ZDHHC11: variants seen among roughly 807,000 people sequenced by gnomAD.
The protein encoded by ZDHHC11 is palmitoyltransferase ZDHHC11.
Under a neutral mutation model 51.3 loss-of-function variants are expected in ZDHHC11, and 44 were observed. That is an observed-to-expected ratio of 0.86 (90% CI 0.67 to 1.10). The LOEUF is 1.10. ZDHHC11 is among the 50% of genes least tolerant of loss of function. The pLI is 0.00. For missense variants in ZDHHC11, 400 were observed against 537.7 expected (o/e 0.74, Z 2.53); for synonymous variants, 163 against 222.0 (o/e 0.73, Z 2.36).
chr5:824,555 C>T (rs544946625), intron 8 of ZDHHC11, among the ~76,000 whole-genome samples: 1 of 151,662 alleles, frequency 6.6e-6, no homozygotes, highest in Non-Finnish European at 1.5e-5. Context: ...CCGCGCTGGT[C>T]TTTTCCTGTG....
At chr5:819,888 C>CTCG (rs1228997705) in intron 9 of ZDHHC11, among the ~76,000 whole-genome samples, 1 of 151,286 alleles carries the variant, frequency 6.6e-6, no homozygotes, top group Non-Finnish European at 1.5e-5. Context: ...CCACCCTAGA[C>CTCG]CAGTGCCTTA....
At chr5:856,390 C>A (rs1488439859) in intron 1 of ZDHHC11, among the ~76,000 whole-genome samples, 1 of 151,258 alleles carries the variant, frequency 6.6e-6, no homozygotes, top group African/African-American at 2.4e-5. Context: ...ACAACACATA[C>A]CACAGACACA....
chr5:835,617 G>C (rs1345750840), intron 6 of ZDHHC11, among the ~76,000 whole-genome samples: 2 of 152,026 alleles, frequency 1.3e-5, no homozygotes, highest in Non-Finnish European at 2.9e-5. Flanking sequence ...GGACCACCTT[G>C]TCATTTCTGC....
Position 834,527 on chromosome 5 carries a change from G to T in ZDHHC11, c.901-720C>A, listed in dbSNP as rs577134222. ...CTGTTTGTTTATGTTTTTGTTTGTT[G>T]TTTTTTTACAATTGCACTTTGAAAG... is the stretch of plus-strand genomic sequence containing the variant. On this transcript the variant is annotated intron_variant, in intron 6 of 12. Transcript: ENST00000283441. Among the ~76,000 whole-genome samples, 686 of 140,790 alleles carry T rather than the reference G, an allele frequency of 4.9e-3. 4 individuals are homozygous for T. The highest frequency in any genetic ancestry group is 0.017 in the African/African-American group (660 of 38,552). 92.4% of individuals were successfully genotyped at this position (140,790 alleles called of 152,430 possible).
At chr5:841,298 G>A in intron 4 of ZDHHC11, 1 of 995,600 alleles carries the variant, frequency 1.0e-6, no homozygotes, top group Non-Finnish European at 1.2e-6. Context: ...TCCTTACTAA[G>A]TGCCAGGGTC....
In ZDHHC11 at chr5:799,606, A is replaced by G. The variant is rs1738121813; in HGVS notation, c.*7+1494T>C. The stretch of plus-strand genomic sequence containing the variant: ...TATTTGCAAGTTGATGCTTCGGCCA[A>G]GCGTCCAGCTCCACTTCTCAGGCTC... On this transcript the variant is annotated intron_variant, in intron 12 of 12. Transcript: ENST00000283441. 2.0e-5 allele frequency among the ~76,000 whole-genome samples: 3 copies of G among 151,200 alleles called. No homozygotes were observed. The South Asian group carries it at 6.3e-4, about 32-fold the overall frequency.
chr5:838,769 GGCTTCAGGCC>G (rs1334220930), intron 5 of ZDHHC11, among the ~76,000 whole-genome samples: 13 of 151,940 alleles, frequency 8.6e-5, no homozygotes, highest in Non-Finnish European at 1.6e-4. Flanking sequence ...AGCCCCGCAT[GGCTTCAGGCC>G]CACTGCACTT....
intron 11 of ZDHHC11, among the ~76,000 whole-genome samples, chr5:806,494 C>T (rs1739276064): frequency 6.6e-6 from 1 of 150,584 alleles, no homozygotes; most frequent in African/African-American, 2.5e-5. Context: ...GTTCATTAAT[C>T]AAGACCAAAA....
At chr5:833,515 TTGTG>T (rs1676057690) in intron 7 of ZDHHC11, among the ~76,000 whole-genome samples, 1 of 151,852 alleles carries the variant, frequency 6.6e-6, no homozygotes, top group Admixed American at 6.6e-5. Context: ...GATCTTACTC[TTGTG>T]TGTTAGTTTA....
rs530813564 is a variant in ZDHHC11, at chr5:820,656, G to A, written c.1059-1044C>T. Among the ~76,000 whole-genome samples the A allele has an allele frequency of 3.4e-4, 51 of 151,386 alleles. 2 individuals carry two copies. Among genetic ancestry groups the A allele is most frequent in the African/African-American group, 8.9e-4 (37 of 41,356 alleles). ...CAGGACCTTTGCTGCCTCTCTGTGG[G>A]GGCTGTGATGTGGTCCCCTCCCAAT... On this transcript the variant is annotated intron_variant, in intron 9 of 12. Coordinates refer to ENST00000283441, the MANE Select transcript of ZDHHC11 (RefSeq NM_024786.3).
Position 813,241 on chromosome 5 carries a change from T to C in ZDHHC11, c.1181+1520A>G, listed in dbSNP as rs56281619. 4.6e-4 allele frequency among the ~76,000 whole-genome samples: 64 copies of C among 138,646 alleles called. 4 individuals carry two copies. Among genetic ancestry groups the C allele is most frequent in the East Asian group, 3.4e-3 (14 of 4,132 alleles). The allele number at this position is 138,646 out of a possible 152,430, so 91.0% of individuals were successfully genotyped here. The stretch of plus-strand genomic sequence containing the variant: ...TACTTGGGAGGCTGAGGTGGGTGGA[T>C]TGCAAGAATCCAAGTGGCAAAGGTT... On this transcript the variant is annotated intron_variant, in intron 11 of 12. Transcript: ENST00000283441.
intron 5 of ZDHHC11, chr5:839,529 A>G (rs1245369343): frequency 2.7e-5 from 4 of 149,906 alleles, no homozygotes; most frequent in African/African-American, 9.9e-5. Context: ...GACAACAGTG[A>G]CTGTAAGATA....
In ZDHHC11 at chr5:800,645, T is replaced by C. The variant is rs538786691; in HGVS notation, c.*7+455A>G. 5.3e-4 allele frequency among the ~76,000 whole-genome samples: 80 copies of C among 151,470 alleles called. 1 individual carries two copies. The highest frequency in any genetic ancestry group is 8.9e-4 in the Non-Finnish European group (60 of 67,764). On this transcript the variant is annotated intron_variant, in intron 12 of 12. Coordinates refer to ENST00000283441, the MANE Select transcript of ZDHHC11 (RefSeq NM_024786.3). ...CCCTGATTCTGGAAGTAAATGATCA[T>C]TTGTTTCACGGTTAAATTTCACTGC...
intron 12 of ZDHHC11, among the ~76,000 whole-genome samples, chr5:800,634 G>A (rs1276371999): frequency 1.3e-5 from 2 of 151,438 alleles, no homozygotes; most frequent in African/African-American, 4.9e-5. Context: ...GATTCTGGAA[G>A]TAAATGATCA....
At chr5:848,094 G>A (rs1746546152) in intron 2 of ZDHHC11, among the ~76,000 whole-genome samples, 1 of 147,798 alleles carries the variant, frequency 6.8e-6, no homozygotes, top group African/African-American at 2.6e-5. Context: ...TTTCCTAGGG[G>A]CTTGTCTTGA....
chr5:813,698 C>T (rs529057240), intron 11 of ZDHHC11, among the ~76,000 whole-genome samples: 3 of 150,068 alleles, frequency 2.0e-5, no homozygotes, highest in South Asian at 2.1e-4. Context: ...GCTGCAGCTG[C>T]TGTGTGCCCA....
intron 11 of ZDHHC11, among the ~76,000 whole-genome samples, chr5:801,725 T>C (rs1484837199): frequency 1.3e-5 from 2 of 151,136 alleles, no homozygotes; most frequent in African/African-American, 4.9e-5. Context: ...TTGCAGAGGG[T>C]TGGAGATCGG....
intron 7 of ZDHHC11, among the ~76,000 whole-genome samples, chr5:825,676 CAA>C (rs146396929): frequency 6.9e-6 from 1 of 144,148 alleles, no homozygotes; most frequent in Non-Finnish European, 1.5e-5. Flanking sequence ...CCAGAAAAAA[CAA>C]AAAGTCACAG....
chr5:806,884 T>C (rs1739336935), intron 11 of ZDHHC11, among the ~76,000 whole-genome samples: 1 of 151,206 alleles, frequency 6.6e-6, no homozygotes, highest in South Asian at 2.1e-4. Flanking sequence ...ATAGGACTTC[T>C]TATACCCTGC....
Sources: allele counts gnomAD v4.1 joint callset (sites outside exome capture counted in the v4.1 genomes callset), GRCh38; gene constraint gnomAD v4.1.1; transcripts MANE v1.5; gene names NCBI Gene and HGNC (gene_info 2026-07-23, HGNC 2026-07-21).